Variants in DCTN1 observed in about 807,000 individuals in gnomAD.
DCTN1 encodes the protein 150 kDa dynein-associated polypeptide.
In DCTN1, 61 loss-of-function variants were observed where a neutral mutation model predicts 161.2. That is an observed-to-expected ratio of 0.38 (90% CI 0.31 to 0.47). The LOEUF (loss-of-function observed/expected upper bound fraction) is 0.47. Among genes scored for constraint, DCTN1 ranks in the 20% least tolerant of loss-of-function variants. DCTN1 has a pLI of 0.99. For synonymous variants in DCTN1, 653 were observed against 632.4 expected (o/e 1.03, Z -0.49); for missense variants, 1,404 against 1,623.7 (o/e 0.86, Z 2.33).
At chr2:74,381,004 T>C (rs929144612), upstream of DCTN1, among the ~76,000 whole-genome samples, 3 of 152,262 alleles carry the variant, frequency 2.0e-5, no homozygotes, top group African/African-American at 7.2e-5. Context: ...CCCCTTGTAC[T>C]CTTGGCCTTG....
At position 74,380,181 on chromosome 2, in the gene DCTN1, C is replaced by T; in HGVS notation, c.-144G>A. 2.3e-6 allele frequency: 2 copies of T among 863,696 alleles called. No individual in the cohort carries two copies. The highest frequency in any genetic ancestry group is 3.8e-6 in the Non-Finnish European group (2 of 526,396). The allele number at this position is 863,696 out of a possible 1,614,324, so 53.5% of individuals were successfully genotyped here. Reference sequence around the variant, plus strand: ...GCACAGCCCTCCCCAGTCCATGGGCCTCACTCGGTGGCCTACACGGGTAGG... The same window carrying T: ...GCACAGCCCTCCCCAGTCCATGGGCTTCACTCGGTGGCCTACACGGGTAGG... On this transcript the variant is annotated 5_prime_UTR_variant, in exon 1 of 32. Coordinates refer to ENST00000628224, the MANE Select transcript of DCTN1 (RefSeq NM_004082.5).
Position 74,365,199 on chromosome 2 carries a change from G to A in DCTN1, c.3072C>T (p.Asp1024=), listed in dbSNP as rs1372157561. ...ETMDALQADI[D]QLEAEKAELK... Reference sequence around the variant, plus strand: ...GTTCTGCCTTCTCTGCCTCCAGCTGGTCGATGTCAGCCTGGAGTGCATCCA... The same window carrying A: ...GTTCTGCCTTCTCTGCCTCCAGCTGATCGATGTCAGCCTGGAGTGCATCCA... The change falls in exon 26 of 32, where the codon GAC becomes GAT. Residue 1024 remains aspartate, a synonymous_variant. Coordinates refer to ENST00000628224, the MANE Select transcript of DCTN1 (RefSeq NM_004082.5). 6.2e-7 allele frequency: 1 copy of A among 1,614,170 alleles called. No homozygotes were observed. The highest frequency in any genetic ancestry group is 8.5e-7 in the Non-Finnish European group (1 of 1,180,024).
At chr2:74,363,222 C>G (rs890999404) in intron 28 of DCTN1, 45 bp from the exon 29 acceptor site, 5 of 1,614,080 alleles carry the variant, frequency 3.1e-6, no homozygotes, top group East Asian at 2.2e-5. Flanking sequence ...TGCTAGGAGG[C>G]CCCTGTCATC....
chr2:74,366,683 C>T (rs1674438709), intron 21 of DCTN1, 63 bp from the exon 22 acceptor site: 1 of 1,613,856 alleles, frequency 6.2e-7, no homozygotes, highest in African/African-American at 1.3e-5. Context: ...CCAGCTACCC[C>T]AAAACCATTT....
In DCTN1 at chr2:74,367,791, G is replaced by A. The variant is rs1674533703; in HGVS notation, c.2089C>T (p.Arg697Cys). 9 of 1,614,118 alleles carry A rather than the reference G, an allele frequency of 5.6e-6. No homozygotes were observed. Among genetic ancestry groups the A allele is most frequent in the Non-Finnish European group, 7.6e-6 (9 of 1,180,016 alleles). Residue 697 changes from arginine to cysteine, a missense_variant, in exon 18 of 32, where the codon CGC becomes TGC. Arg to Cys is a radical substitution (Grantham distance 180, BLOSUM62 -3). Coordinates refer to ENST00000628224, the MANE Select transcript of DCTN1 (RefSeq NM_004082.5). Reference protein sequence around the residue: ...SLYPEMSAHERSLDFLIELLH... With the variant: ...SLYPEMSAHECSLDFLIELLH... The stretch of plus-strand genomic sequence containing the variant: ...AGTTCAATGAGGAAATCCAAGGAGC[G>A]CTCATGGGCACTCATCTCAGGGTAC...
Position 74,370,361 on chromosome 2 carries a change from G to C in DCTN1, c.1128-16C>G. 2.5e-6 allele frequency: 4 copies of C among 1,613,978 alleles called. No homozygotes were observed. Among genetic ancestry groups the C allele is most frequent in the Non-Finnish European group, 3.4e-6 (4 of 1,180,040 alleles). On this transcript the variant is annotated splice_polypyrimidine_tract_variant and intron_variant, in intron 11 of 31. Coordinates refer to ENST00000628224, the MANE Select transcript of DCTN1 (RefSeq NM_004082.5). The surrounding 1 kb of genome is among the most constrained non-coding windows in gnomAD (Gnocchi z 4.4). ...ATCCCGCATCCTGCAGGGATGTGAGGAAGGCAGAAGGAGGAAAGCACGTGT... is the reference window on the plus strand; with the variant it reads ...ATCCCGCATCCTGCAGGGATGTGAGCAAGGCAGAAGGAGGAAAGCACGTGT...
chr2:74,381,259 C>G (rs1483513044), upstream of DCTN1, among the ~76,000 whole-genome samples: 1 of 152,182 alleles, frequency 6.6e-6, no homozygotes, highest in East Asian at 1.9e-4. Flanking sequence ...CAAGGTTGGC[C>G]TGGGGTCTGA....
chr2:74,363,477 A>T (rs191864030), intron 27 of DCTN1, 50 bp from the exon 28 acceptor site: 1 of 1,607,654 alleles, frequency 6.2e-7, no homozygotes, highest in East Asian at 2.2e-5. Flanking sequence ...AAGGGTTGAA[A>T]ATTGGGCTCC....
At chr2:74,362,320 C>T (rs1052870498) in intron 30 of DCTN1, among the ~76,000 whole-genome samples, 179 bp from the exon 31 acceptor site, 2 of 152,148 alleles carry the variant, frequency 1.3e-5, no homozygotes, top group African/African-American at 4.8e-5. Context: ...CCTTACTTTG[C>T]AAGTCCTCAT....
chr2:74,374,256 A>G, intron 6 of DCTN1, 67 bp downstream of exon 6: 1 of 834,438 alleles, frequency 1.2e-6, no homozygotes, highest in Non-Finnish European at 1.7e-6. Flanking sequence ...CCCCACCCCC[A>G]CCCCAGCAGC....
At chr2:74,371,312 C>T in intron 8 of DCTN1, 136 bp from the exon 9 acceptor site, 2 of 1,581,390 alleles carry the variant, frequency 1.3e-6, no homozygotes, top group South Asian at 1.1e-5. Flanking sequence ...GGCATAAGAA[C>T]ATCTGAGAGG....
intron 29 of DCTN1, 132 bp from the exon 30 acceptor site, chr2:74,362,861 A>T: frequency 7.5e-7 from 1 of 1,331,444 alleles, no homozygotes; most frequent in Non-Finnish European, 1.1e-6. Flanking sequence ...GAATCAAACA[A>T]ACTGAACAGT....
upstream of DCTN1, among the ~76,000 whole-genome samples, chr2:74,382,531 G>C (rs1274531212): frequency 1.3e-5 from 2 of 150,604 alleles, no homozygotes; most frequent in African/African-American, 4.9e-5. Flanking sequence ...AAGCCGGGAG[G>C]TGAAGGTTGC....
intron 2 of DCTN1, 76 bp downstream of exon 2, chr2:74,377,924 G>C: frequency 1.3e-6 from 2 of 1,597,760 alleles, no homozygotes; most frequent in Non-Finnish European, 1.7e-6. Flanking sequence ...TCAGGAAAAC[G>C]AAGTACCAAC....
chr2:74,373,652 A>G (rs1482701844), intron 6 of DCTN1, among the ~76,000 whole-genome samples: 1 of 152,232 alleles, frequency 6.6e-6, no homozygotes, highest in East Asian at 1.9e-4. Flanking sequence ...GGTGGGCAGC[A>G]GCACAGAGAA....
At position 74,370,381 on chromosome 2, in the gene DCTN1, A is replaced by T; in HGVS notation, c.1128-36T>A. On this transcript the variant is annotated intron_variant, in intron 11 of 31. Transcript: ENST00000628224. The surrounding 1 kb of genome is among the most constrained non-coding windows in gnomAD (Gnocchi z 4.4). ...GTGAGGAAGGCAGAAGGAGGAAAGCACGTGTCAGAGTCTCTGGCGATGGGT... is the reference window on the plus strand; with the variant it reads ...GTGAGGAAGGCAGAAGGAGGAAAGCTCGTGTCAGAGTCTCTGGCGATGGGT... 2 of 1,614,110 alleles carry T rather than the reference A, an allele frequency of 1.2e-6. No individual in the cohort carries two copies. Among genetic ancestry groups the T allele is most frequent in the Non-Finnish European group, 1.7e-6 (2 of 1,180,032 alleles).
At chr2:74,362,028 C>T in intron 31 of DCTN1, 24 bp downstream of exon 31, 1 of 1,611,472 alleles carries the variant, frequency 6.2e-7, no homozygotes, top group Non-Finnish European at 8.5e-7. Flanking sequence ...ACTGTCCCAT[C>T]CTCCACCCCA....
Position 74,363,275 on chromosome 2 carries a change from C to T in DCTN1, c.3345+19G>A. On this transcript the variant is annotated intron_variant, in intron 28 of 31. Coordinates refer to ENST00000628224, the MANE Select transcript of DCTN1 (RefSeq NM_004082.5). Reference sequence around the variant, plus strand: ...ATATGCTCCATCTCCCATCCCAGTCCTCCCCGTGGCTCCCTCACCTTGAGG... The same window carrying T: ...ATATGCTCCATCTCCCATCCCAGTCTTCCCCGTGGCTCCCTCACCTTGAGG... The T allele has an allele frequency of 6.2e-7, 1 of 1,614,102 alleles. No homozygotes were observed.
In DCTN1 at chr2:74,366,469, G is replaced by C; in HGVS notation, c.2618C>G (p.Ala873Gly). Reference sequence around the variant, plus strand: ...GCCATCCAGGCCCACCTGCTCGCTTGCTTTGAAAGCCAGTTCCTCCAGAGC... The same window carrying C: ...GCCATCCAGGCCCACCTGCTCGCTTCCTTTGAAAGCCAGTTCCTCCAGAGC... ...VAALEELAFK[A>G]SEQIYGTPSS... is the part of the protein sequence containing the mutation. The change falls in exon 22 of 32, where the codon GCA becomes GGA. Residue 873 changes from alanine to glycine, a missense_variant. By Grantham distance (60) the Ala-to-Gly change is moderately conservative (BLOSUM62 0). Coordinates refer to ENST00000628224, the MANE Select transcript of DCTN1 (RefSeq NM_004082.5). 1 of 1,614,218 alleles carries C rather than the reference G, an allele frequency of 6.2e-7. No homozygotes were observed. Among genetic ancestry groups the C allele is most frequent in the East Asian group, 2.2e-5 (1 of 44,884 alleles).
Sources: gnomAD v4.1 joint callset for allele counts (sites outside exome capture counted in the v4.1 genomes callset) on GRCh38, gnomAD v4.1.1 for gene constraint, Gnocchi (gnomAD v3.1) non-coding constraint, MANE v1.5 for transcripts, NCBI Gene and HGNC (gene_info 2026-07-23, HGNC 2026-07-21) for gene names.